BAIAP2: variants seen among roughly 807,000 people sequenced by gnomAD.
BAIAP2 encodes the protein BAR/IMD domain-containing adapter protein 2.
BAIAP2 carries 18 observed loss-of-function variants against 63.0 expected under a neutral mutation model. That is an observed-to-expected ratio of 0.29 (90% CI 0.20 to 0.42). The LOEUF is 0.42. Among genes scored for constraint, BAIAP2 ranks in the 10% least tolerant of loss-of-function variants. The probability of loss-of-function intolerance (pLI) is 1.00; values close to 1 mark genes in which losing one functional copy is unlikely to be tolerated. For missense variants in BAIAP2, 610 were observed against 734.3 expected (o/e 0.83, Z 1.96); for synonymous variants, 386 against 307.6 (o/e 1.25, Z -2.67).
At chr17:81,097,424 G>A (rs2057806830) in intron 6 of BAIAP2, among the ~76,000 whole-genome samples, 1 of 152,244 alleles carries the variant, frequency 6.6e-6, no homozygotes, top group South Asian at 2.1e-4. Flanking sequence ...CTGTAGTGGA[G>A]GCTTGCGGGG....
intron 3 of BAIAP2, among the ~76,000 whole-genome samples, chr17:81,067,791 A>T (rs997013260): frequency 2.0e-5 from 3 of 152,228 alleles, no homozygotes; most frequent in Admixed American, 1.3e-4. Context: ...AGCCGGCCAG[A>T]GCAGGGAGGA....
chr17:81,044,748 C>T (rs551471701), intron 1 of BAIAP2, among the ~76,000 whole-genome samples: 1 of 152,234 alleles, frequency 6.6e-6, no homozygotes, highest in Admixed American at 6.5e-5. Flanking sequence ...TCCCTTCCAA[C>T]CTCAGTCAGA....
intron 6 of BAIAP2, among the ~76,000 whole-genome samples, chr17:81,092,124 G>C (rs912864654): frequency 6.6e-6 from 1 of 152,210 alleles, no homozygotes; most frequent in East Asian, 1.9e-4. Context: ...TGGGTGTCTC[G>C]AAGTGATTGC....
chr17:81,076,079 AG>A (rs1172313275), intron 3 of BAIAP2, among the ~76,000 whole-genome samples: 3 of 152,126 alleles, frequency 2.0e-5, no homozygotes, highest in African/African-American at 7.2e-5. Flanking sequence ...GCAGTGAGGC[AG>A]GGGCTCCCCA....
intron 3 of BAIAP2, among the ~76,000 whole-genome samples, chr17:81,080,443 G>A (rs914663894): frequency 1.1e-4 from 17 of 152,268 alleles, no homozygotes; most frequent in East Asian, 3.8e-4. Context: ...TGCGCCAGCC[G>A]CACATTGTGG....
rs1453255478 is a variant in BAIAP2 at position 81,117,327 on chromosome 17, A to G, written c.*1488A>G. Reference sequence around the variant, plus strand: ...TGTCTTAGCTTCATTTCTCTTAAAAAACAAGGAACAAGAAAACATTGCACC... The same window carrying G: ...TGTCTTAGCTTCATTTCTCTTAAAAGACAAGGAACAAGAAAACATTGCACC... On this transcript the variant is annotated 3_prime_UTR_variant, in exon 14 of 14. Transcript: ENST00000428708. 6.6e-6 allele frequency: 1 copy of G among 152,296 alleles called. No individual in the cohort carries two copies. The highest frequency in any genetic ancestry group is 1.5e-5 in the Non-Finnish European group (1 of 68,052). 9.4% of individuals were successfully genotyped at this position (152,296 alleles called of 1,614,324 possible). A position where few individuals can be genotyped will look rare whatever the true frequency, so the allele number is the denominator to read the frequency against.
intron 1 of BAIAP2, among the ~76,000 whole-genome samples, chr17:81,047,258 T>G (rs4077126): frequency 0.73 from 110,764 of 151,966 alleles, 40,616 homozygotes; most frequent in Middle Eastern, 0.8. Flanking sequence ...GCCAGGACTC[T>G]GGGCTCCACC....
At chr17:81,060,593 T>C (rs2144434930) in intron 3 of BAIAP2, among the ~76,000 whole-genome samples, 1 of 152,338 alleles carries the variant, frequency 6.6e-6, no homozygotes, top group South Asian at 2.1e-4. Context: ...CTGGGGTTGC[T>C]GTCACCTTCC....
chr17:81,110,833 C>A, intron 13 of BAIAP2: 1 of 1,559,432 alleles, frequency 6.4e-7, no homozygotes, highest in Non-Finnish European at 8.8e-7. Flanking sequence ...CCTGGCAGCT[C>A]GCCCGTGGTC....
intron 3 of BAIAP2, among the ~76,000 whole-genome samples, chr17:81,075,459 G>T (rs1402458545): frequency 6.0e-5 from 9 of 150,014 alleles, no homozygotes; most frequent in Non-Finnish European, 4.4e-5. Flanking sequence ...CCGCCTTCCG[G>T]TGGGCTCCCT....
At position 81,085,668 on chromosome 17, in the gene BAIAP2, C is replaced by A; in HGVS notation, c.294C>A (p.His98Gln). The A allele has an allele frequency of 1.9e-6, 3 of 1,613,820 alleles. No homozygotes were observed. The highest frequency in any genetic ancestry group is 1.7e-6 in the Non-Finnish European group (2 of 1,179,938). ...TCCATGTCCAGCTGAAGTCTTTTCA[C>A]AACGAGCTGCTTACGCAGCTGGAGC... ...NQLEEMLKSFHNELLTQLEQK... is the reference protein window; with the variant it reads ...NQLEEMLKSFQNELLTQLEQK... Residue 98 changes from histidine to glutamine, a missense_variant, in exon 5 of 14, where the codon CAC (histidine) becomes CAA (glutamine). This residue lies in a region of BAIAP2 where 389 missense variants were observed against 455.6 expected (regional missense o/e 0.85). Transcript: ENST00000428708.
At chr17:81,035,748 G>A (rs1031054334) in intron 1 of BAIAP2, among the ~76,000 whole-genome samples, 2 of 152,068 alleles carry the variant, frequency 1.3e-5, no homozygotes, top group African/African-American at 4.8e-5. Flanking sequence ...GCGGCGGCCA[G>A]GACGGCATGG....
rs374753803 is a variant in BAIAP2 at position 81,053,764 on chromosome 17, C to T, written c.130+21C>T. On this transcript the variant is annotated intron_variant, in intron 2 of 13. Coordinates refer to ENST00000428708, the MANE Select transcript of BAIAP2 (RefSeq NM_001144888.2). ...GGCAGGTGGAACTGCGCCCGGGCCC[C>T]GTGGGGTGGGAGCTGCCTCCTGAGC... 98 of 1,608,820 alleles carry T rather than the reference C, an allele frequency of 6.1e-5. No individual in the cohort carries two copies. In the East Asian group the frequency reaches 7.2e-4, roughly 12 times the overall value.
Position 81,035,177 on chromosome 17 carries a change from T to C in BAIAP2, c.-78T>C, listed in dbSNP as rs2046031949. On this transcript the variant is annotated 5_prime_UTR_variant, in exon 1 of 14. Transcript: ENST00000428708. ...TGGTTCGGGTCCGCTTTCGTCTCCG[T>C]CCTGCTGCCGTTACCGCCGCTGCTG... 3 of 1,254,394 alleles carry C rather than the reference T, an allele frequency of 2.4e-6. No individual in the cohort carries two copies. Among genetic ancestry groups the C allele is most frequent in the Non-Finnish European group, 3.2e-6 (3 of 932,564 alleles). The allele number at this position is 1,254,394 out of a possible 1,614,324, so 77.7% of individuals were successfully genotyped here. A position where few individuals can be genotyped will look rare whatever the true frequency, so the allele number is the denominator to read the frequency against.
At chr17:81,081,034 G>A (rs999431927) in intron 3 of BAIAP2, among the ~76,000 whole-genome samples, 10 of 152,216 alleles carry the variant, frequency 6.6e-5, no homozygotes, top group African/African-American at 1.9e-4. Context: ...CAGGGCACAG[G>A]CTTGGGTGGG....
chr17:81,070,531 C>T (rs964147066), intron 3 of BAIAP2, among the ~76,000 whole-genome samples: 8 of 152,178 alleles, frequency 5.3e-5, no homozygotes, highest in Non-Finnish European at 1.5e-5. Flanking sequence ...AGGAGAGAGG[C>T]ACAGGGAGGG....
At chr17:81,068,518 C>G (rs759645789) in intron 3 of BAIAP2, among the ~76,000 whole-genome samples, 4 of 152,224 alleles carry the variant, frequency 2.6e-5, no homozygotes, top group Non-Finnish European at 5.9e-5. Context: ...AAACCAGAAG[C>G]CGCTCCTGAA....
chr17:81,099,951 G>A lies in BAIAP2; in HGVS notation c.513G>A (p.Lys171=), dbSNP rs2058268639. 6.2e-7 allele frequency: 1 copy of A among 1,613,416 alleles called. No individual in the cohort carries two copies. Among genetic ancestry groups the A allele is most frequent in the Non-Finnish European group, 8.5e-7 (1 of 1,179,892 alleles). ...AGTACATCGACGCCATCAGCAACAA[G>A]CAGGGCGAGCTGGAGAATTACGTGT... is the stretch of plus-strand genomic sequence containing the variant. ...ELQYIDAISN[K]QGELENYVSD... is the part of the protein sequence containing the mutation. Residue 171 remains lysine, a synonymous_variant, in exon 7 of 14, where the codon AAG becomes AAA. Coordinates refer to ENST00000428708, the MANE Select transcript of BAIAP2 (RefSeq NM_001144888.2).
chr17:81,103,335 G>T (rs1181121790), intron 7 of BAIAP2, among the ~76,000 whole-genome samples, 167 bp from the exon 8 acceptor site: 1 of 152,228 alleles, frequency 6.6e-6, no homozygotes, highest in East Asian at 1.9e-4. Context: ...CCGCTTCTGT[G>T]GGTTGGGGTC....
Sources: allele counts gnomAD v4.1 joint callset (sites outside exome capture counted in the v4.1 genomes callset), GRCh38; gene constraint gnomAD v4.1.1; regional missense constraint gnomAD v4.1.1; transcripts MANE v1.5; gene names NCBI Gene and HGNC (gene_info 2026-07-23, HGNC 2026-07-21).